Variants in DOCK3 observed in about 807,000 individuals in gnomAD.
DOCK3 encodes the protein dedicator of cytokinesis 3.
Under a neutral mutation model 265.6 loss-of-function variants are expected in DOCK3, and 60 were observed. The observed-to-expected ratio is 0.23, with a 90% CI of 0.18 to 0.28. DOCK3 has a LOEUF of 0.28. Ranked by LOEUF, DOCK3 falls within the 10% of genes least tolerant of loss-of-function variation. DOCK3 has a pLI of 1.00. For missense variants in DOCK3, 1,981 were observed against 2,594.3 expected (o/e 0.76, Z 5.14); for synonymous variants, 881 against 938.0 (o/e 0.94, Z 1.11).
intron 6 of DOCK3, among the ~76,000 whole-genome samples, chr3:51,073,160 G>A (rs1248910032): frequency 1.3e-5 from 2 of 151,992 alleles, no homozygotes; most frequent in Non-Finnish European, 2.9e-5. Flanking sequence ...ATTTTAAAAA[G>A]TTTAATGTGA....
chr3:50,921,207 C>G (rs1421035476), intron 4 of DOCK3, among the ~76,000 whole-genome samples: 1 of 151,938 alleles, frequency 6.6e-6, no homozygotes, highest in East Asian at 1.9e-4. Flanking sequence ...GATAAGTGAT[C>G]TTTTCACACA....
chr3:51,052,588 T>C (rs1313390166), intron 5 of DOCK3, among the ~76,000 whole-genome samples: 1 of 152,174 alleles, frequency 6.6e-6, no homozygotes, highest in Non-Finnish European at 1.5e-5. Flanking sequence ...TGGATGCCCT[T>C]GGAATTTCAG....
At chr3:51,293,237 CTG>C (rs1350066482) in intron 27 of DOCK3, among the ~76,000 whole-genome samples, 1 of 152,182 alleles carries the variant, frequency 6.6e-6, no homozygotes, top group Non-Finnish European at 1.5e-5. Context: ...TATTACAAAA[CTG>C]TAGTGATCAA....
chr3:50,930,135 C>CT (rs985615490), intron 4 of DOCK3, among the ~76,000 whole-genome samples: 2 of 151,278 alleles, frequency 1.3e-5, no homozygotes, highest in African/African-American at 2.5e-5. Context: ...TAGGAACACT[C>CT]TAAGTTTTTT....
At chr3:51,174,002 A>G (rs554965977) in intron 12 of DOCK3, among the ~76,000 whole-genome samples, 1 of 152,104 alleles carries the variant, frequency 6.6e-6, no homozygotes, top group Non-Finnish European at 1.5e-5. Context: ...TGTGTCTCTA[A>G]CTGGCTAATT....
intron 25 of DOCK3, among the ~76,000 whole-genome samples, chr3:51,275,420 C>T (rs1560332765): frequency 6.6e-6 from 1 of 152,158 alleles, no homozygotes; most frequent in Admixed American, 6.5e-5. Context: ...GTTGCACTAC[C>T]ATAAATCTAC....
intron 5 of DOCK3, among the ~76,000 whole-genome samples, chr3:51,050,296 AG>A (rs1164548777): frequency 1.3e-5 from 2 of 152,262 alleles, no homozygotes; most frequent in African/African-American, 4.8e-5. Flanking sequence ...CAGAGGTGGG[AG>A]GATCACTTGA....
At chr3:50,721,101 G>A (rs2037453031) in intron 1 of DOCK3, among the ~76,000 whole-genome samples, 1 of 151,824 alleles carries the variant, frequency 6.6e-6, no homozygotes. Flanking sequence ...CTGGATATTA[G>A]ACCTTTGTTG....
At chr3:51,089,545 C>A (rs1560045329) in intron 8 of DOCK3, among the ~76,000 whole-genome samples, 1 of 152,170 alleles carries the variant, frequency 6.6e-6, no homozygotes, top group Non-Finnish European at 1.5e-5. Flanking sequence ...AGAATGGTAA[C>A]TATTACGAGG....
intron 5 of DOCK3, among the ~76,000 whole-genome samples, chr3:51,003,463 C>T (rs1575727441): frequency 6.6e-6 from 1 of 152,214 alleles, no homozygotes; most frequent in South Asian, 2.1e-4. Flanking sequence ...TACAGTTTAC[C>T]AAAACAATTC....
At chr3:51,142,903 T>G (rs957408851) in intron 9 of DOCK3, among the ~76,000 whole-genome samples, 1 of 152,184 alleles carries the variant, frequency 6.6e-6, no homozygotes, top group Non-Finnish European at 1.5e-5. Context: ...CTTTTTTTTT[T>G]GAGACGGAGT....
chr3:51,206,857 G>A (rs1338130832), intron 12 of DOCK3, among the ~76,000 whole-genome samples: 1 of 152,208 alleles, frequency 6.6e-6, no homozygotes, highest in Non-Finnish European at 1.5e-5. Flanking sequence ...CAATGAAGAG[G>A]AGAAGTCAAA....
chr3:50,730,290 C>T (rs967146232), intron 1 of DOCK3, among the ~76,000 whole-genome samples: 5 of 151,832 alleles, frequency 3.3e-5, no homozygotes, highest in Admixed American at 6.6e-5. Flanking sequence ...TACAGGTGCC[C>T]GCCACCATGC....
intron 5 of DOCK3, among the ~76,000 whole-genome samples, chr3:51,024,244 T>C (rs773227621): frequency 1.3e-5 from 2 of 152,204 alleles, no homozygotes; most frequent in South Asian, 2.1e-4. Context: ...CTGTCTCCTA[T>C]TGGGTTGGAA....
At position 50,792,241 on chromosome 3, in the gene DOCK3, G is replaced by A. The variant is rs1278565090; in HGVS notation, c.121+13483G>A. On this transcript the variant is annotated intron_variant, in intron 2 of 52. Coordinates refer to ENST00000266037, the MANE Select transcript of DOCK3 (RefSeq NM_004947.5). ...ATGGCAGTGAATGAGATTCTGTTCC[G>A]ATTTGGCTCTCAAGTTGGCTGTTGT... Among the ~76,000 whole-genome samples, 7 of 151,562 alleles carry A rather than the reference G, an allele frequency of 4.6e-5. 1 individual carries two copies. Among genetic ancestry groups the A allele is most frequent in the East Asian group, 1.9e-4 (1 of 5,160 alleles).
At chr3:50,800,596 A>AT (rs2043022078) in intron 2 of DOCK3, among the ~76,000 whole-genome samples, 1 of 151,540 alleles carries the variant, frequency 6.6e-6, no homozygotes, top group African/African-American at 2.4e-5. Flanking sequence ...TGGTTTACCA[A>AT]TTTTATTTAT....
intron 5 of DOCK3, among the ~76,000 whole-genome samples, chr3:50,958,063 C>A (rs1199744631): frequency 6.6e-6 from 1 of 152,154 alleles, no homozygotes; most frequent in Non-Finnish European, 1.5e-5. Flanking sequence ...CATAGCAATT[C>A]TTCCTTTGAT....
chr3:50,986,482 A>G (rs534912903), intron 5 of DOCK3, among the ~76,000 whole-genome samples: 26 of 152,178 alleles, frequency 1.7e-4, no homozygotes, highest in Non-Finnish European at 2.6e-4. Flanking sequence ...CCCATACTCT[A>G]TTCCTACCCA....
chr3:51,043,007 C>T (rs545776679), intron 5 of DOCK3, among the ~76,000 whole-genome samples: 42 of 152,260 alleles, frequency 2.8e-4, no homozygotes, highest in Admixed American at 9.2e-4. Flanking sequence ...ATAATTAAAA[C>T]GGCCATACTG....
Sources: allele counts gnomAD v4.1 joint callset (sites outside exome capture counted in the v4.1 genomes callset), GRCh38; gene constraint gnomAD v4.1.1; transcripts MANE v1.5; gene names NCBI Gene and HGNC (gene_info 2026-07-23, HGNC 2026-07-21).